Variants in BANK1 observed in about 807,000 individuals in gnomAD.
The protein encoded by BANK1 is B cell scaffold protein with ankyrin repeats 1.
Under a neutral mutation model 94.5 loss-of-function variants are expected in BANK1, and 95 were observed. That is an observed-to-expected ratio of 1.00 (90% confidence interval 0.85 to 1.19). The LOEUF (loss-of-function observed/expected upper bound fraction) is 1.19, where lower values mean the gene tolerates loss of function less well. Among genes scored for constraint, BANK1 ranks in the 50% most tolerant of loss-of-function variants. The probability of loss-of-function intolerance (pLI) is 0.00; values close to 1 mark genes in which losing one functional copy is unlikely to be tolerated. For synonymous variants in BANK1, 334 were observed against 308.4 expected (o/e 1.08, Z -0.87); for missense variants, 987 against 932.2 (o/e 1.06, Z -0.77).
At chr4:102,061,010 TCATATTCC>T (rs1232821037) in intron 12 of BANK1, among the ~76,000 whole-genome samples, 1 of 152,140 alleles carries the variant, frequency 6.6e-6, no homozygotes, top group African/African-American at 2.4e-5. Flanking sequence ...GATAACACGG[TCATATTCC>T]CATATTCCAT....
intron 9 of BANK1, among the ~76,000 whole-genome samples, chr4:102,029,087 G>A (rs918727436): frequency 6.6e-6 from 1 of 151,982 alleles, no homozygotes; most frequent in African/African-American, 2.4e-5. Flanking sequence ...TATTTTTGTA[G>A]ATACTAGGTC....
At chr4:102,007,565 A>G (rs1437975478) in intron 7 of BANK1, among the ~76,000 whole-genome samples, 1 of 152,122 alleles carries the variant, frequency 6.6e-6, no homozygotes, top group Non-Finnish European at 1.5e-5. Context: ...CTTTTCTGTC[A>G]CAAAACGTAG....
chr4:101,923,351 C>CTA lies in BANK1; in HGVS notation c.1206+5174_1206+5175dup, dbSNP rs971692955. On this transcript the variant is annotated intron_variant, in intron 7 of 16. Transcript: ENST00000322953. ...CATATAGTTTTGTATTGTTTAAAGA[C>CTA]TATATATATATATGTGTGTGTGTGT... 2.1e-4 allele frequency among the ~76,000 whole-genome samples: 32 copies of CTA among 151,012 alleles called. 1 individual carries two copies. Among genetic ancestry groups the CTA allele is most frequent in the South Asian group, 6.3e-4 (3 of 4,778 alleles).
At chr4:101,982,152 G>T (rs1725344659) in intron 7 of BANK1, among the ~76,000 whole-genome samples, 1 of 151,772 alleles carries the variant, frequency 6.6e-6, no homozygotes, top group Non-Finnish European at 1.5e-5. Context: ...TCCTTCTGTT[G>T]GCTCCTATAA....
intron 1 of BANK1, 51 bp downstream of exon 1, chr4:101,791,001 G>A (rs1185946425): frequency 7.2e-7 from 1 of 1,386,922 alleles, no homozygotes; most frequent in Non-Finnish European, 9.5e-7. Flanking sequence ...GGGCTACGGG[G>A]CTCTGCGGAG....
rs145411445 is a variant in BANK1, at chr4:102,043,870, T to A, written c.1932T>A (p.Ser644=). The A allele has an allele frequency of 6.2e-7, 1 of 1,604,080 alleles. No individual in the cohort carries two copies. Among genetic ancestry groups the A allele is most frequent in the African/African-American group, 1.3e-5 (1 of 74,756 alleles). Residue 644 remains serine, a synonymous_variant, in exon 11 of 17, where the codon TCT becomes TCA. Coordinates refer to ENST00000322953, the MANE Select transcript of BANK1 (RefSeq NM_017935.5). ...VFQQKTARRQ[S]DDDKFCGLPK... is the part of the protein sequence containing the mutation. ...AACAAAAGACAGCCAGAAGACAATCTGATGATGACAAGTTCTGTGGTCTTC... is the reference window on the plus strand; with the variant it reads ...AACAAAAGACAGCCAGAAGACAATCAGATGATGACAAGTTCTGTGGTCTTC...
intron 7 of BANK1, among the ~76,000 whole-genome samples, chr4:101,925,208 G>T (rs1018554740): frequency 2.6e-5 from 4 of 151,256 alleles, no homozygotes; most frequent in African/African-American, 9.7e-5. Flanking sequence ...TAGAGTTAGG[G>T]TAAGGCCCTC....
At position 101,908,424 on chromosome 4, in the gene BANK1, T is replaced by C. The variant is rs183685505; in HGVS notation, c.1010-9569T>C. ...ATTAAATCAAGATGGATTAAAGACT[T>C]AAATGTGAGACGTAAAACCATAAAA... On this transcript the variant is annotated intron_variant, in intron 6 of 16. Coordinates refer to ENST00000322953, the MANE Select transcript of BANK1 (RefSeq NM_017935.5). Among the ~76,000 whole-genome samples, 4 of 152,324 alleles carry C rather than the reference T, an allele frequency of 2.6e-5. No homozygotes were observed. The East Asian group carries it at 7.7e-4, about 29-fold the overall frequency.
In BANK1 at chr4:101,986,897, GTGTATATATATATATATA is replaced by G. The variant is rs1263917311; in HGVS notation, c.1207-34615_1207-34598del. 1.0e-4 allele frequency among the ~76,000 whole-genome samples: 6 copies of G among 58,024 alleles called. 1 individual carries two copies. Among genetic ancestry groups the G allele is most frequent in the Non-Finnish European group, 1.6e-4 (5 of 31,980 alleles). The allele number at this position is 58,024 out of a possible 152,430, so 38.1% of individuals were successfully genotyped here. A position where few individuals can be genotyped will look rare whatever the true frequency, so the allele number is the denominator to read the frequency against. Reference sequence around the variant, plus strand: ...TATGTGTGTGTGTGTGTGTGTGTGTGTGTATATATATATATATATATATATATATATATAGTAGGCTTG... The same window carrying G: ...TATGTGTGTGTGTGTGTGTGTGTGTGTATATATATATATATAGTAGGCTTG... On this transcript the variant is annotated intron_variant, in intron 7 of 16. Transcript: ENST00000322953.
intron 1 of BANK1, among the ~76,000 whole-genome samples, chr4:101,797,911 T>C (rs1175394450): frequency 1.3e-5 from 2 of 152,078 alleles, no homozygotes; most frequent in African/African-American, 4.8e-5. Context: ...TAGGATAACA[T>C]AGATAAGGTG....
intron 7 of BANK1, among the ~76,000 whole-genome samples, chr4:101,974,062 TA>T (rs1455146121): frequency 1.3e-5 from 2 of 152,122 alleles, no homozygotes; most frequent in African/African-American, 4.8e-5. Flanking sequence ...GGGTGTTCAG[TA>T]AATACTTATT....
chr4:101,849,695 A>C (rs1229139387), intron 2 of BANK1, among the ~76,000 whole-genome samples: 1 of 152,178 alleles, frequency 6.6e-6, no homozygotes, highest in East Asian at 1.9e-4. Context: ...TGTCTATCTA[A>C]TTACCTTCTA....
intron 7 of BANK1, among the ~76,000 whole-genome samples, chr4:101,990,468 T>G (rs1203576513): frequency 8.5e-5 from 13 of 152,210 alleles, no homozygotes; most frequent in Non-Finnish European, 1.9e-4. Flanking sequence ...CGTTAAAACT[T>G]ATTGCTATTG....
chr4:102,063,860 G>A (rs1385149107), intron 13 of BANK1, among the ~76,000 whole-genome samples: 1 of 150,656 alleles, frequency 6.6e-6, no homozygotes, highest in Non-Finnish European at 1.5e-5. Context: ...AAAGAGACAT[G>A]CTTTTTAATA....
At position 101,968,572 on chromosome 4, in the gene BANK1, A is replaced by G. The variant is rs374362645; in HGVS notation, c.1206+50383A>G. Among the ~76,000 whole-genome samples the G allele has an allele frequency of 3.9e-5, 6 of 152,092 alleles. No individual in the cohort carries two copies. In the South Asian group the frequency reaches 8.3e-4, roughly 21 times the overall value. On this transcript the variant is annotated intron_variant, in intron 7 of 16. Coordinates refer to ENST00000322953, the MANE Select transcript of BANK1 (RefSeq NM_017935.5). ...AGAGTAACAATGCCCCGTTGGTTGCAGTTAGAGGGGCAGACAAGTAAGAAG... is the reference window on the plus strand; with the variant it reads ...AGAGTAACAATGCCCCGTTGGTTGCGGTTAGAGGGGCAGACAAGTAAGAAG...
intron 10 of BANK1, among the ~76,000 whole-genome samples, chr4:102,035,802 C>T (rs1256682748): frequency 6.6e-6 from 1 of 152,036 alleles, no homozygotes; most frequent in African/African-American, 2.4e-5. Context: ...TTGAAGTCTA[C>T]CTGTTTTCAG....
At chr4:101,855,403 T>C (rs1014693092) in intron 3 of BANK1, among the ~76,000 whole-genome samples, 2 of 152,160 alleles carry the variant, frequency 1.3e-5, no homozygotes, top group Non-Finnish European at 2.9e-5. Flanking sequence ...TTAATAGATA[T>C]TGTATTTCAC....
intron 7 of BANK1, among the ~76,000 whole-genome samples, chr4:101,926,417 A>G (rs1723154681): frequency 6.6e-6 from 1 of 151,728 alleles, no homozygotes; most frequent in African/African-American, 2.4e-5. Flanking sequence ...TGAAGGCTAA[A>G]TTTTGGGTTT....
At chr4:101,954,166 G>T (rs193091404) in intron 7 of BANK1, among the ~76,000 whole-genome samples, 6 of 151,892 alleles carry the variant, frequency 4.0e-5, no homozygotes, top group Non-Finnish European at 8.8e-5. Context: ...TCTTCACAAG[G>T]CTCTCTTAAA....
Sources: allele counts gnomAD v4.1 joint callset (sites outside exome capture counted in the v4.1 genomes callset), GRCh38; gene constraint gnomAD v4.1.1; transcripts MANE v1.5; gene names NCBI Gene and HGNC (gene_info 2026-07-23, HGNC 2026-07-21).